SPC24: variants seen among roughly 807,000 people sequenced by gnomAD.
SPC24 encodes SPC24 component of NDC80 kinetochore complex.
Under a neutral mutation model 27.6 loss-of-function variants are expected in SPC24, and 31 were observed. The observed-to-expected ratio is 1.12, with a 90% CI of 0.84 to 1.52. SPC24 has a LOEUF of 1.52. Ranked by LOEUF, SPC24 falls within the 40% of genes most tolerant of loss-of-function variation. SPC24 has a pLI of 0.00. For missense variants in SPC24, 284 were observed against 252.5 expected (o/e 1.12, Z -0.84); for synonymous variants, 105 against 105.8 (o/e 0.99, Z 0.05).
intron 1 of SPC24, 108 bp from the exon 2 acceptor site, chr19:11,149,346 G>A: frequency 9.6e-7 from 1 of 1,044,864 alleles, no homozygotes; most frequent in Non-Finnish European, 1.3e-6. Flanking sequence ...CCCCTTGTCT[G>A]CAGCCCTGTG....
rs567869561 is a variant in SPC24 at position 11,148,733 on chromosome 19, C to T, written c.305+361G>A. ...CATGATCTCAGCTCACTGCAAGCTC[C>T]GCCTCCTGGGCTCACGCCATTCTCC... On this transcript the variant is annotated intron_variant, in intron 2 of 4. Transcript: ENST00000592540. 7.9e-5 allele frequency among the ~76,000 whole-genome samples: 12 copies of T among 152,272 alleles called. No homozygotes were observed. In the South Asian group the frequency reaches 8.3e-4, roughly 11 times the overall value.
At chr19:11,151,181 A>C (rs990425514) in intron 1 of SPC24, among the ~76,000 whole-genome samples, 1 of 151,704 alleles carries the variant, frequency 6.6e-6, no homozygotes, top group Non-Finnish European at 1.5e-5. Flanking sequence ...AAAAAAAAAA[A>C]AAATGCTTCC....
Position 11,155,668 on chromosome 19 carries a change from C to G in SPC24, c.109G>C (p.Val37Leu). Reference sequence around the variant, plus strand: ...TGCGTTTCCAGCAGCCGCTCCACCACCTGCTCGTGGCGCCCCAGCAGCCGT... The same window carrying G: ...TGCGTTTCCAGCAGCCGCTCCACCAGCTGCTCGTGGCGCCCCAGCAGCCGT... ...QRRLLGRHEQ[V>L]VERLLETQDG... The change falls in exon 1 of 5, where the codon GTG (valine) becomes CTG (leucine). Residue 37 changes from valine to leucine, a missense_variant. Coordinates refer to ENST00000592540, the MANE Select transcript of SPC24 (RefSeq NM_182513.4). The G allele has an allele frequency of 1.9e-6, 3 of 1,558,538 alleles. 1 individual carries two copies. The South Asian group carries it at 3.5e-5, about 18-fold the overall frequency.
chr19:11,148,611 G>A (rs377141949), intron 2 of SPC24, among the ~76,000 whole-genome samples: 8 of 152,032 alleles, frequency 5.3e-5, no homozygotes, highest in African/African-American at 1.9e-4. Flanking sequence ...CTCCCAAGTA[G>A]CTGAGACTAC....
In SPC24 at chr19:11,147,201, C is replaced by T. The variant is rs1373821922; in HGVS notation, c.576G>A (p.Leu192=). The T allele has an allele frequency of 3.2e-6, 5 of 1,553,964 alleles. No individual in the cohort carries two copies. The highest frequency in any genetic ancestry group is 3.5e-6 in the Non-Finnish European group (4 of 1,148,160). Residue 192 remains leucine, a synonymous_variant, in exon 5 of 5, where the codon CTG becomes CTA. Transcript: ENST00000592540. The stretch of plus-strand genomic sequence containing the variant: ...CTCCTGGCTACCACTCGGTGTCCAC[C>T]AGACTCCAGAGGTAGTCGCTGATGA... ...RKFISDYLWS[L]VDTEW
rs763084194 is a variant in SPC24 at position 11,148,019 on chromosome 19, G to A, written c.404C>T (p.Ser135Leu). 12 of 1,613,318 alleles carry A rather than the reference G, an allele frequency of 7.4e-6. No homozygotes were observed. The highest frequency in any genetic ancestry group is 6.7e-5 in the East Asian group (3 of 44,874). Residue 135 changes from serine to leucine, a missense_variant, in exon 3 of 5, where the codon TCG becomes TTG. Physicochemically the swap from Ser to Leu is moderately radical, Grantham distance 145 (BLOSUM62 -2). Coordinates refer to ENST00000592540, the MANE Select transcript of SPC24 (RefSeq NM_182513.4). ...VDEDTTVTIPSAVYVAQLYHQ... is the reference protein window; with the variant it reads ...VDEDTTVTIPLAVYVAQLYHQ... The stretch of plus-strand genomic sequence containing the variant: ...ACGTTTTGGCAGAACCTACACGGCC[G>A]AGGGGATTGTGACTGTCGTGTCCTC...
rs778768512 is a variant in SPC24 at position 11,148,001 on chromosome 19, G to C, written c.410+12C>G. ...GGAGGCACAGGCAGGCACACGTTTT[G>C]GCAGAACCTACACGGCCGAGGGGAT... On this transcript the variant is annotated intron_variant, in intron 3 of 4. Coordinates refer to ENST00000592540, the MANE Select transcript of SPC24 (RefSeq NM_182513.4). 1.2e-6 allele frequency: 2 copies of C among 1,612,212 alleles called. No individual in the cohort carries two copies. Among genetic ancestry groups the C allele is most frequent in the Non-Finnish European group, 1.7e-6 (2 of 1,178,844 alleles).
intron 1 of SPC24, among the ~76,000 whole-genome samples, chr19:11,153,464 A>T (rs999751833): frequency 6.7e-5 from 10 of 148,478 alleles, no homozygotes; most frequent in African/African-American, 2.0e-4. Flanking sequence ...AATAAAAAAA[A>T]GAAAATAGAG....
chr19:11,147,616 T>G, intron 4 of SPC24: 1 of 596,422 alleles, frequency 1.7e-6, no homozygotes, highest in South Asian at 2.0e-5. Context: ...CTATATTTAT[T>G]ATAGACGTGG....
chr19:11,146,464 G>GGAAAAAAAAAA lies in SPC24; in HGVS notation c.*718_*719insTTTTTTTTTTC, dbSNP rs1255657612. On this transcript the variant is annotated 3_prime_UTR_variant, in exon 5 of 5. Transcript: ENST00000592540. ...GAAAATCAGGAGAAAAAGAAATCCA[G>GGAAAAAAAAAA]TAAAAAAAAAAAAAAAAAAGGCCAG... 1 of 10,544 alleles carries GGAAAAAAAAAA rather than the reference G, an allele frequency of 9.5e-5. No individual in the cohort carries two copies. The highest frequency in any genetic ancestry group is 3.7e-4 in the Non-Finnish European group (1 of 2,714). The allele number at this position is 10,544 out of a possible 1,614,324, so 0.7% of individuals were successfully genotyped here. A position where few individuals can be genotyped will look rare whatever the true frequency, so the allele number is the denominator to read the frequency against.
At chr19:11,154,864 T>C (rs1243832121) in intron 1 of SPC24, among the ~76,000 whole-genome samples, 1 of 152,122 alleles carries the variant, frequency 6.6e-6, no homozygotes, top group East Asian at 1.9e-4. Context: ...GTGAATGTGC[T>C]TAAGGCCACT....
intron 3 of SPC24, 26 bp downstream of exon 3, chr19:11,147,977 GAGGCACAGGC>G (rs770152017): frequency 6.2e-7 from 1 of 1,605,558 alleles, no homozygotes; most frequent in Non-Finnish European, 8.5e-7. Flanking sequence ...ACTGCACAAG[GAGGCACAGGC>G]AGGCACACGT....
intron 1 of SPC24, among the ~76,000 whole-genome samples, chr19:11,155,222 G>A (rs1022087985): frequency 3.3e-5 from 5 of 152,154 alleles, no homozygotes; most frequent in Non-Finnish European, 7.4e-5. Context: ...ATTTGACAAG[G>A]AAGGAAGCTG....
intron 3 of SPC24, 29 bp from the exon 4 acceptor site, chr19:11,147,923 A>C: frequency 1.4e-6 from 1 of 740,198 alleles, no homozygotes; most frequent in South Asian, 1.8e-5. Context: ...AAAAAAAAAA[A>C]AAAAAAAGAA....
chr19:11,155,576 C>G, intron 1 of SPC24, 41 bp downstream of exon 1: 2 of 1,522,442 alleles, frequency 1.3e-6, no homozygotes, highest in Non-Finnish European at 1.8e-6. Context: ...AGCACCCGGG[C>G]CCCTTCCCCC....
intron 2 of SPC24, among the ~76,000 whole-genome samples, chr19:11,148,369 T>A (rs1471296136): frequency 6.6e-6 from 1 of 151,910 alleles, no homozygotes; most frequent in East Asian, 1.9e-4. Context: ...CACCATGCCC[T>A]GCTAATTTTT....
rs780769020 is a variant in SPC24, at chr19:11,149,196, T to C, written c.203A>G (p.Asn68Ser). The change falls in exon 2 of 5, where the codon AAT (asparagine) becomes AGT (serine). Residue 68 changes from asparagine to serine, a missense_variant. By Grantham distance (46) the Asn-to-Ser change is conservative (BLOSUM62 1). Coordinates refer to ENST00000592540, the MANE Select transcript of SPC24 (RefSeq NM_182513.4). ...TCCCTGGTGCACCTGCTCCTTCGCATTGAGAAGGCTCTGGGCCACTTCCTT... is the reference window on the plus strand; with the variant it reads ...TCCCTGGTGCACCTGCTCCTTCGCACTGAGAAGGCTCTGGGCCACTTCCTT... ...MEKEVAQSLL[N>S]AKEQVHQGGV... The C allele has an allele frequency of 3.2e-5, 50 of 1,550,802 alleles. No individual in the cohort carries two copies. Among genetic ancestry groups the C allele is most frequent in the Non-Finnish European group, 4.3e-5 (49 of 1,146,786 alleles).
Position 11,146,826 on chromosome 19 carries a change from T to C in SPC24, c.*357A>G, listed in dbSNP as rs150519327. 172 of 147,080 alleles carry C rather than the reference T, an allele frequency of 1.2e-3. 3 individuals are homozygous for C. The East Asian group carries it at 0.026, about 22-fold the overall frequency. 9.1% of individuals were successfully genotyped at this position (147,080 alleles called of 1,614,324 possible). A position where few individuals can be genotyped will look rare whatever the true frequency, so the allele number is the denominator to read the frequency against. ...GCACGATGGCTCACGCCTGGAATCC[T>C]AGCACTTTGGGAGGCCAAGGCGGGC... On this transcript the variant is annotated 3_prime_UTR_variant, in exon 5 of 5. Coordinates refer to ENST00000592540, the MANE Select transcript of SPC24 (RefSeq NM_182513.4).
chr19:11,151,830 G>T lies in SPC24; in HGVS notation c.161-2592C>A, dbSNP rs1174695428. On this transcript the variant is annotated intron_variant, in intron 1 of 4. Transcript: ENST00000592540. Reference sequence around the variant, plus strand: ...TCACCATGTTGGCCAGGCTGGTCTAGAATTCCTGACCTTGTGATCCGCCCA... The same window carrying T: ...TCACCATGTTGGCCAGGCTGGTCTATAATTCCTGACCTTGTGATCCGCCCA... 9.9e-5 allele frequency among the ~76,000 whole-genome samples: 15 copies of T among 151,618 alleles called. 1 individual carries two copies. Among genetic ancestry groups the T allele is most frequent in the South Asian group, 2.1e-4 (1 of 4,784 alleles).
Sources: allele counts gnomAD v4.1 joint callset (sites outside exome capture counted in the v4.1 genomes callset), GRCh38; gene constraint gnomAD v4.1.1; transcripts MANE v1.5; gene names NCBI Gene and HGNC (gene_info 2026-07-23, HGNC 2026-07-21).